Variants in ANKRD55 observed in about 807,000 individuals in gnomAD.
ANKRD55 encodes ankyrin repeat domain-containing protein 55.
Under a neutral mutation model 60.6 loss-of-function variants are expected in ANKRD55, and 41 were observed. The ratio of observed to expected loss-of-function variants is 0.68; its 90% CI spans 0.53 to 0.88. ANKRD55 has a LOEUF of 0.88. Among genes scored for constraint, ANKRD55 ranks in the 40% least tolerant of loss-of-function variants. ANKRD55 has a pLI of 0.00. For synonymous variants in ANKRD55, 264 were observed against 290.3 expected, an observed-to-expected ratio of 0.91 and a Z score of 0.92; for missense variants, 732 against 767.6, an observed-to-expected ratio of 0.95 and a Z score of 0.55.
rs188688 is a variant in ANKRD55, at chr5:56,158,654, C to T, written c.483+1179G>A. On this transcript the variant is annotated intron_variant, in intron 6 of 11. Coordinates refer to ENST00000341048, the MANE Select transcript of ANKRD55 (RefSeq NM_024669.3). Reference sequence around the variant, plus strand: ...ATAATGTGATGTCTGGAGCAGGTAACCCGGAATTATTAATATTATCTCTCT... The same window carrying T: ...ATAATGTGATGTCTGGAGCAGGTAATCCGGAATTATTAATATTATCTCTCT... Among the ~76,000 whole-genome samples, 806 of 152,162 alleles carry T rather than the reference C, an allele frequency of 5.3e-3. 8 individuals are homozygous for T. Among genetic ancestry groups the T allele is most frequent in the African/African-American group, 0.018 (759 of 41,512 alleles).
intron 4 of ANKRD55, among the ~76,000 whole-genome samples, chr5:56,175,569 A>G (rs1171452781): frequency 6.6e-6 from 1 of 152,102 alleles, no homozygotes; most frequent in Non-Finnish European, 1.5e-5. Flanking sequence ...GCTGAACTGA[A>G]ATCTCTACCG....
intron 8 of ANKRD55, among the ~76,000 whole-genome samples, chr5:56,118,309 A>T (rs1423369687): frequency 2.0e-5 from 3 of 152,194 alleles, no homozygotes; most frequent in Non-Finnish European, 4.4e-5. Context: ...AGTATTACTA[A>T]TACTGGTAAT....
intron 4 of ANKRD55, among the ~76,000 whole-genome samples, chr5:56,173,951 C>T (rs757926229): frequency 1.2e-4 from 19 of 152,056 alleles, no homozygotes; most frequent in South Asian, 4.1e-4. Flanking sequence ...GTCCCGTTTG[C>T]GACATTTTTC....
At position 56,138,414 on chromosome 5, in the gene ANKRD55, A is replaced by C. The variant is rs137871479; in HGVS notation, c.612+5387T>G. On this transcript the variant is annotated intron_variant, in intron 7 of 11. Coordinates refer to ENST00000341048, the MANE Select transcript of ANKRD55 (RefSeq NM_024669.3). Reference sequence around the variant, plus strand: ...GTGCTGGGATTACAGGTGTGAGCCAACGTGCCTGGTCATTTTGGTAGTTTC... The same window carrying C: ...GTGCTGGGATTACAGGTGTGAGCCACCGTGCCTGGTCATTTTGGTAGTTTC... 8.7e-3 allele frequency among the ~76,000 whole-genome samples: 1,319 copies of C among 152,148 alleles called. 13 individuals carry two copies. Among genetic ancestry groups the C allele is most frequent in the Middle Eastern group, 0.034 (10 of 292 alleles).
Position 56,232,917 on chromosome 5 carries a change from C to A in ANKRD55, c.-4G>T. On this transcript the variant is annotated 5_prime_UTR_variant, in exon 2 of 12. Coordinates refer to ENST00000341048, the MANE Select transcript of ANKRD55 (RefSeq NM_024669.3). ...CCATGGTAGCCTGTCTCATCATTTA[C>A]CATCAGAATGGCAAAAAGCATCCAG... The A allele has an allele frequency of 6.2e-7, 1 of 1,613,980 alleles. No homozygotes were observed. Among genetic ancestry groups the A allele is most frequent in the Non-Finnish European group, 8.5e-7 (1 of 1,179,934 alleles).
chr5:56,168,601 G>A (rs541244214), intron 5 of ANKRD55, among the ~76,000 whole-genome samples: 5 of 152,250 alleles, frequency 3.3e-5, no homozygotes, highest in Admixed American at 2.6e-4. Flanking sequence ...TATGTATGTA[G>A]AGGAAAAAAA....
intron 2 of ANKRD55, among the ~76,000 whole-genome samples, chr5:56,222,658 A>G (rs1367952178): frequency 6.6e-6 from 1 of 152,242 alleles, no homozygotes; most frequent in East Asian, 1.9e-4. Flanking sequence ...AAGACCTTAA[A>G]TGACTTGATG....
At chr5:56,135,288 C>CTTT (rs1561263938) in intron 7 of ANKRD55, among the ~76,000 whole-genome samples, 1 of 92,974 alleles carries the variant, frequency 1.1e-5, no homozygotes, top group African/African-American at 3.9e-5. Context: ...CCCTGCCTGC[C>CTTT]TGCTTGCTTT....
chr5:56,194,265 G>A (rs1759177053), intron 2 of ANKRD55, among the ~76,000 whole-genome samples: 1 of 148,590 alleles, frequency 6.7e-6, no homozygotes, highest in Admixed American at 6.8e-5. Flanking sequence ...GCAGTGAGCC[G>A]AGATCGCACC....
chr5:56,137,567 GAA>G (rs70995773), intron 7 of ANKRD55: 458 of 596,216 alleles, frequency 7.7e-4, no homozygotes, highest in Middle Eastern at 1.5e-3. Flanking sequence ...AAAAGTAAAA[GAA>G]AAAAAAAAAG....
chr5:56,177,296 GA>G (rs879282381), intron 3 of ANKRD55, among the ~76,000 whole-genome samples: 17 of 152,050 alleles, frequency 1.1e-4, no homozygotes, highest in African/African-American at 3.4e-4. Flanking sequence ...TCTGTACTGG[GA>G]AAAAGCAGCA....
Position 56,105,554 on chromosome 5 carries a change from G to A in ANKRD55, c.1631-2968C>T, listed in dbSNP as rs182586607. On this transcript the variant is annotated intron_variant, in intron 10 of 11. Transcript: ENST00000341048. ...AACCCAAAATAATAACAAGGGCCAA[G>A]ATGTCATAGAATGGAAAGGTATGAA... 5.9e-5 allele frequency among the ~76,000 whole-genome samples: 9 copies of A among 152,304 alleles called. No individual in the cohort carries two copies. In the East Asian group the frequency reaches 1.5e-3, roughly 26 times the overall value.
intron 2 of ANKRD55, among the ~76,000 whole-genome samples, chr5:56,230,415 A>G (rs994068551): frequency 3.3e-5 from 5 of 152,192 alleles, no homozygotes; most frequent in African/African-American, 1.2e-4. Context: ...AGTACAGCCA[A>G]TGTGAGAACC....
intron 2 of ANKRD55, among the ~76,000 whole-genome samples, chr5:56,218,551 T>C (rs1296788678): frequency 1.3e-5 from 2 of 152,218 alleles, no homozygotes; most frequent in Non-Finnish European, 2.9e-5. Context: ...TAAAATAAGG[T>C]ATGCACATTT....
chr5:56,127,155 T>C, intron 7 of ANKRD55, 49 bp from the exon 8 acceptor site: 1 of 1,468,452 alleles, frequency 6.8e-7, no homozygotes, highest in Non-Finnish European at 9.1e-7. Flanking sequence ...CCAGTGTTCT[T>C]CTCTGTCTAG....
Position 56,183,482 on chromosome 5 carries a change from T to C in ANKRD55, c.181+30A>G, listed in dbSNP as rs114137875. 2,176 of 1,612,448 alleles carry C rather than the reference T, an allele frequency of 1.3e-3. 24 individuals carry two copies. In the African/African-American group the frequency reaches 0.026, roughly 19 times the overall value. On this transcript the variant is annotated intron_variant, in intron 3 of 11. Coordinates refer to ENST00000341048, the MANE Select transcript of ANKRD55 (RefSeq NM_024669.3). ...ATCTCTAAAAAAATAGAGCAGAACATTCTGGATTCAAAATGCATACATATC... is the reference window on the plus strand; with the variant it reads ...ATCTCTAAAAAAATAGAGCAGAACACTCTGGATTCAAAATGCATACATATC...
rs1015674531 is a variant in ANKRD55 at position 56,144,078 on chromosome 5, A to G, written c.484-149T>C. On this transcript the variant is annotated intron_variant, in intron 6 of 11. Transcript: ENST00000341048. ...CATTCATTCATTCATTAATCCATTC[A>G]TTCCATAGATGTTTATTGTCTGTCT... 1.1e-5 allele frequency: 12 copies of G among 1,060,852 alleles called. No individual in the cohort carries two copies. The South Asian group carries it at 1.3e-4, about 12-fold the overall frequency. The allele number at this position is 1,060,852 out of a possible 1,614,324, so 65.7% of individuals were successfully genotyped here.
At chr5:56,148,093 G>GT (rs1757943980) in intron 6 of ANKRD55, among the ~76,000 whole-genome samples, 1 of 152,242 alleles carries the variant, frequency 6.6e-6, no homozygotes, top group African/African-American at 2.4e-5. Flanking sequence ...TGAGCACACA[G>GT]TAAGTGTTCA....
At position 56,162,523 on chromosome 5, in the gene ANKRD55, T is replaced by C. The variant is rs78589930; in HGVS notation, c.423-2630A>G. Among the ~76,000 whole-genome samples the C allele has an allele frequency of 3.5e-3, 535 of 152,282 alleles. 19 individuals carry two copies. The East Asian group carries it at 0.057, about 16-fold the overall frequency. ...CCCTCTCCTACAGCTAAGCTACCAC[T>C]GCAGCTCTCAGAAGTTTCCAGTAAC... On this transcript the variant is annotated intron_variant, in intron 5 of 11. Transcript: ENST00000341048.
Sources: allele counts gnomAD v4.1 joint callset (sites outside exome capture counted in the v4.1 genomes callset), GRCh38; gene constraint gnomAD v4.1.1; transcripts MANE v1.5; gene names NCBI Gene and HGNC (gene_info 2026-07-23, HGNC 2026-07-21).